GRIA1: variants seen among roughly 807,000 people sequenced by gnomAD.
GRIA1 encodes the protein glutamate ionotropic receptor AMPA type subunit 1.
GRIA1 carries 31 observed loss-of-function variants against 99.2 expected under a neutral mutation model. That is an observed-to-expected ratio of 0.31 (90% CI 0.23 to 0.42). The LOEUF (loss-of-function observed/expected upper bound fraction) is 0.42, where lower values mean the gene tolerates loss of function less well. Ranked by LOEUF, GRIA1 falls within the 10% of genes least tolerant of loss-of-function variation. The probability of loss-of-function intolerance (pLI) is 1.00; values close to 1 mark genes in which losing one functional copy is unlikely to be tolerated. For missense variants in GRIA1, 782 were observed against 1,157.5 expected (o/e 0.68, Z 4.71); for synonymous variants, 438 against 432.4 (o/e 1.01, Z -0.16).
intron 13 of GRIA1, among the ~76,000 whole-genome samples, chr5:153,778,835 A>G (rs528717857): frequency 5.9e-5 from 9 of 152,074 alleles, no homozygotes; most frequent in Non-Finnish European, 1.2e-4. Context: ...TGACTGCACC[A>G]TTTGTACTTG....
At chr5:153,793,637 A>T (rs887041437) in intron 13 of GRIA1, among the ~76,000 whole-genome samples, 2 of 152,188 alleles carry the variant, frequency 1.3e-5, no homozygotes, top group Non-Finnish European at 2.9e-5. Flanking sequence ...TATAAGTCAC[A>T]CTTGAACAGG....
rs76791315 is a variant in GRIA1, at chr5:153,563,387, C to G, written c.220+69322C>G. On this transcript the variant is annotated intron_variant, in intron 2 of 15. Transcript: ENST00000285900. The stretch of plus-strand genomic sequence containing the variant: ...TATGGAAGACACCAATTGTTTCGTT[C>G]TCTAAGTGTTCAGAAACAACTGTTC... 9.9e-3 allele frequency among the ~76,000 whole-genome samples: 1,501 copies of G among 152,250 alleles called. 12 individuals carry two copies. The highest frequency in any genetic ancestry group is 0.019 in the South Asian group (92 of 4,826).
intron 2 of GRIA1, among the ~76,000 whole-genome samples, chr5:153,517,698 A>G (rs1756756316): frequency 6.6e-6 from 1 of 152,158 alleles, no homozygotes; most frequent in Non-Finnish European, 1.5e-5. Context: ...TTTTGAATCC[A>G]CACACTTTTT....
At chr5:153,729,077 C>T (rs1448140103) in intron 11 of GRIA1, among the ~76,000 whole-genome samples, 4 of 150,152 alleles carry the variant, frequency 2.7e-5, no homozygotes, top group Non-Finnish European at 5.9e-5. Flanking sequence ...AGTTCGTGTC[C>T]TTTGTAGGGA....
chr5:153,799,374 A>G (rs1016044334), intron 14 of GRIA1, among the ~76,000 whole-genome samples: 2 of 152,226 alleles, frequency 1.3e-5, no homozygotes, highest in Non-Finnish European at 2.9e-5. Context: ...AGAGTGAGAC[A>G]AAGAGAGTCA....
intron 2 of GRIA1, among the ~76,000 whole-genome samples, chr5:153,524,692 C>A (rs1757446143): frequency 6.6e-6 from 1 of 152,204 alleles, no homozygotes; most frequent in Admixed American, 6.5e-5. Flanking sequence ...CAGTAGGCTT[C>A]TCTAATAACA....
At chr5:153,597,242 A>G (rs1199772381) in intron 2 of GRIA1, among the ~76,000 whole-genome samples, 1 of 151,692 alleles carries the variant, frequency 6.6e-6, no homozygotes, top group Non-Finnish European at 1.5e-5. Flanking sequence ...GTATACTTCA[A>G]CTCTTAGTAC....
intron 8 of GRIA1, among the ~76,000 whole-genome samples, chr5:153,696,410 C>G (rs1241078952): frequency 6.6e-6 from 1 of 152,184 alleles, no homozygotes; most frequent in Admixed American, 6.5e-5. Context: ...TGTCAGGGTT[C>G]CAGGACAAGC....
At chr5:153,533,382 T>C (rs894354453) in intron 2 of GRIA1, among the ~76,000 whole-genome samples, 11 of 151,908 alleles carry the variant, frequency 7.2e-5, no homozygotes, top group Non-Finnish European at 2.9e-5. Context: ...TGGAGGAGGC[T>C]TCTGAGGGAC....
intron 10 of GRIA1, among the ~76,000 whole-genome samples, chr5:153,702,595 C>G (rs1180306551): frequency 6.6e-6 from 1 of 152,196 alleles, no homozygotes; most frequent in Non-Finnish European, 1.5e-5. Context: ...TTGGGATCTG[C>G]TAGGTCAGTG....
chr5:153,742,452 T>TTATC (rs1380877379), intron 11 of GRIA1, among the ~76,000 whole-genome samples: 2 of 152,192 alleles, frequency 1.3e-5, no homozygotes, highest in East Asian at 3.8e-4. Context: ...AACAAATATA[T>TTATC]TATCTTACAG....
intron 12 of GRIA1, among the ~76,000 whole-genome samples, chr5:153,766,541 G>A (rs769865111): frequency 2.7e-4 from 41 of 152,252 alleles, no homozygotes; most frequent in East Asian, 5.8e-4. Context: ...GCCACTTTGC[G>A]GATAAGAAAT....
In GRIA1 at chr5:153,700,347, C is replaced by T. The variant is rs190778906; in HGVS notation, c.1452+1274C>T. On this transcript the variant is annotated intron_variant, in intron 10 of 15. Transcript: ENST00000285900. ...TTGCAGTGAGCCAAGACCATGCCAT[C>T]GCACTCCAGCCTGGGAGACAAGAGC... Among the ~76,000 whole-genome samples the T allele has an allele frequency of 3.3e-3, 496 of 152,200 alleles. 5 individuals are homozygous for T. Among genetic ancestry groups the T allele is most frequent in the African/African-American group, 0.011 (462 of 41,544 alleles).
intron 14 of GRIA1, among the ~76,000 whole-genome samples, chr5:153,800,258 C>T (rs1765920811): frequency 6.6e-6 from 1 of 152,136 alleles, no homozygotes; most frequent in African/African-American, 2.4e-5. Flanking sequence ...CTCCTAACCC[C>T]ACCCCTACCC....
chr5:153,553,323 C>G (rs765196966), intron 2 of GRIA1, among the ~76,000 whole-genome samples: 1 of 152,090 alleles, frequency 6.6e-6, no homozygotes, highest in Non-Finnish European at 1.5e-5. Context: ...AGAAAGAATT[C>G]GAATGAGAGG....
intron 11 of GRIA1, among the ~76,000 whole-genome samples, chr5:153,719,178 C>T (rs761447564): frequency 8.5e-5 from 13 of 152,080 alleles, no homozygotes; most frequent in East Asian, 1.9e-4. Context: ...CAGCTAAGAG[C>T]GTGGGCTCTG....
At chr5:153,555,819 A>T (rs1760586858) in intron 2 of GRIA1, among the ~76,000 whole-genome samples, 1 of 152,214 alleles carries the variant, frequency 6.6e-6, no homozygotes, top group South Asian at 2.1e-4. Context: ...AAGTCGAATC[A>T]TTTGATCCAA....
intron 13 of GRIA1, 90 bp downstream of exon 13, chr5:153,770,505 C>T: frequency 8.0e-7 from 1 of 1,247,608 alleles, no homozygotes; most frequent in Admixed American, 1.9e-5. Flanking sequence ...GCCTCCAATG[C>T]CACAATGCAA....
At chr5:153,752,984 G>A (rs1229933195) in intron 11 of GRIA1, among the ~76,000 whole-genome samples, 1 of 152,186 alleles carries the variant, frequency 6.6e-6, no homozygotes, top group Admixed American at 6.5e-5. Context: ...AGGAAGTCAA[G>A]TGATGAGAAA....
Sources: gnomAD v4.1 joint callset for allele counts (sites outside exome capture counted in the v4.1 genomes callset) on GRCh38, gnomAD v4.1.1 for gene constraint, MANE v1.5 for transcripts, NCBI Gene and HGNC (gene_info 2026-07-23, HGNC 2026-07-21) for gene names.